Variants in STAT5A observed in about 807,000 individuals in gnomAD.
STAT5A encodes the protein signal transducer and activator of transcription 5A, also known as epididymis secretory sperm binding protein.
In STAT5A, 26 loss-of-function variants were observed where a neutral mutation model predicts 100.2. The ratio of observed to expected loss-of-function variants is 0.26; its 90% CI spans 0.19 to 0.36. The LOEUF (loss-of-function observed/expected upper bound fraction) is 0.36. STAT5A is among the 10% of genes least tolerant of loss of function. The pLI is 1.00. For synonymous variants in STAT5A, 330 were observed against 424.3 expected, an observed-to-expected ratio of 0.78 and a Z score of 2.73; for missense variants, 634 against 1,027.5, an observed-to-expected ratio of 0.62 and a Z score of 5.24.
chr17:42,295,491 C>A, intron 4 of STAT5A, 128 bp from the exon 5 acceptor site: 1 of 932,656 alleles, frequency 1.1e-6, no homozygotes, highest in Non-Finnish European at 1.6e-6. Flanking sequence ...TTCCTTCTTG[C>A]CCTAGTTTCC....
chr17:42,305,799 T>A (rs2081022900), intron 12 of STAT5A, 97 bp downstream of exon 12: 1 of 1,317,774 alleles, frequency 7.6e-7, no homozygotes, highest in South Asian at 1.3e-5. Flanking sequence ...TGGTCCTTCC[T>A]CACCCCAGGG....
intron 4 of STAT5A, among the ~76,000 whole-genome samples, chr17:42,292,577 G>A (rs1284371500): frequency 1.3e-5 from 2 of 151,384 alleles, no homozygotes; most frequent in Non-Finnish European, 1.5e-5. Context: ...CGCCCACCTC[G>A]GCCTCCCAAA....
chr17:42,293,511 G>A (rs1056305359), intron 4 of STAT5A, among the ~76,000 whole-genome samples: 3 of 152,194 alleles, frequency 2.0e-5, no homozygotes, highest in Admixed American at 6.5e-5. Flanking sequence ...GGCCTATTAC[G>A]TATTTATTGT....
rs186791484 is a variant in STAT5A, at chr17:42,291,646, G to A, written c.286-326G>A. Among the ~76,000 whole-genome samples, 857 of 152,108 alleles carry A rather than the reference G, an allele frequency of 5.6e-3. 4 individuals carry two copies. Among genetic ancestry groups the A allele is most frequent in the Non-Finnish European group, 8.4e-3 (572 of 68,000 alleles). ...AAGGAGAATCGCTTGAACCCGGGAG[G>A]TGGAGGTTGCAGTGAGCTGAGATCA... On this transcript the variant is annotated intron_variant, in intron 3 of 18. Coordinates refer to ENST00000590949, the MANE Select transcript of STAT5A (RefSeq NM_001288718.2).
rs116193964 is a variant in STAT5A, at chr17:42,301,256, G to C, written c.990-19G>C. The C allele has an allele frequency of 6.3e-4, 1,017 of 1,611,300 alleles. 2 individuals are homozygous for C. The African/African-American group carries it at 0.012, about 19-fold the overall frequency. ...TGCGCCAACCCCTCATCGTGTGTCT[G>C]TCCCTGTGTCCCATGCAGCACATTC... On this transcript the variant is annotated intron_variant, in intron 8 of 18. Transcript: ENST00000590949.
chr17:42,304,236 C>A lies in STAT5A; in HGVS notation c.1170-106C>A. The A allele has an allele frequency of 6.7e-6, 7 of 1,041,064 alleles. No individual in the cohort carries two copies. The highest frequency in any genetic ancestry group is 1.0e-5 in the Non-Finnish European group (7 of 687,278). 64.5% of individuals were successfully genotyped at this position (1,041,064 alleles called of 1,614,324 possible). A position where few individuals can be genotyped will look rare whatever the true frequency, so the allele number is the denominator to read the frequency against. On this transcript the variant is annotated intron_variant, in intron 9 of 18. Transcript: ENST00000590949. The surrounding 1 kb of genome is among the most constrained non-coding windows in gnomAD (Gnocchi z 4.8). ...ACTCTTAGGGGATACGGGGCAGGGGCTGCTGGCAGGGCTGACCTGAGCGAA... is the reference window on the plus strand; with the variant it reads ...ACTCTTAGGGGATACGGGGCAGGGGATGCTGGCAGGGCTGACCTGAGCGAA...
At chr17:42,293,261 G>A (rs2080888231) in intron 4 of STAT5A, among the ~76,000 whole-genome samples, 1 of 152,118 alleles carries the variant, frequency 6.6e-6, no homozygotes, top group Admixed American at 6.5e-5. Context: ...CTGGAGTGCA[G>A]TGGCGTGATC....
chr17:42,299,483 G>T (rs2080953505), intron 5 of STAT5A, among the ~76,000 whole-genome samples: 1 of 152,232 alleles, frequency 6.6e-6, no homozygotes. Context: ...GCGGGCAGGA[G>T]GCAGGCAGGC....
In STAT5A at chr17:42,300,207, C is replaced by T. The variant is rs558824323; in HGVS notation, c.759C>T (p.Ile253=). ...CCATCATCCTGGATGACGAGCTGAT[C>T]CAGTGGAAGCGGCGGCAGCAGCTGG... is the stretch of plus-strand genomic sequence containing the variant. The part of the protein sequence containing the change: ...QQTIILDDEL[I]QWKRRQQLAG... The change falls in exon 7 of 19, where the codon ATC becomes ATT. Residue 253 remains isoleucine, a synonymous_variant. Coordinates refer to ENST00000590949, the MANE Select transcript of STAT5A (RefSeq NM_001288718.2). The T allele has an allele frequency of 1.1e-5, 16 of 1,509,424 alleles. No individual in the cohort carries two copies. The highest frequency in any genetic ancestry group is 7.4e-5 in the South Asian group (6 of 81,046). The allele number at this position is 1,509,424 out of a possible 1,614,324, so 93.5% of individuals were successfully genotyped here. A position where few individuals can be genotyped will look rare whatever the true frequency, so the allele number is the denominator to read the frequency against.
intron 15 of STAT5A, among the ~76,000 whole-genome samples, chr17:42,307,959 C>T (rs958545320): frequency 6.6e-6 from 1 of 152,222 alleles, no homozygotes; most frequent in African/African-American, 2.4e-5. Flanking sequence ...TGCAGTTTCA[C>T]GCTCTCCCCT....
At chr17:42,305,741 C>T (rs1223511385) in intron 12 of STAT5A, 39 bp downstream of exon 12, 3 of 1,599,156 alleles carry the variant, frequency 1.9e-6, no homozygotes, top group Non-Finnish European at 2.6e-6. Flanking sequence ...CACCCCCAGG[C>T]CCTAGGACTC....
chr17:42,292,229 AC>A (rs1245784201), intron 4 of STAT5A, among the ~76,000 whole-genome samples, 168 bp downstream of exon 4: 1 of 151,246 alleles, frequency 6.6e-6, no homozygotes, highest in Non-Finnish European at 1.5e-5. Flanking sequence ...GGGTGGAGTG[AC>A]CCCCTGGATC....
chr17:42,294,901 A>C (rs1204373071), intron 4 of STAT5A, among the ~76,000 whole-genome samples: 3 of 143,212 alleles, frequency 2.1e-5, no homozygotes, highest in East Asian at 4.1e-4. Flanking sequence ...CTCTCTCTCT[A>C]TTTTTTTTTT....
chr17:42,302,783 A>C (rs928218375), intron 9 of STAT5A, among the ~76,000 whole-genome samples: 1 of 151,676 alleles, frequency 6.6e-6, no homozygotes, highest in Non-Finnish European at 1.5e-5. Flanking sequence ...AAAATACAAA[A>C]ATTAGCCAGG....
chr17:42,309,275 C>T (rs934503994), intron 17 of STAT5A, 102 bp from the exon 18 acceptor site: 112 of 1,529,784 alleles, frequency 7.3e-5, no homozygotes, highest in Middle Eastern at 2.4e-4. Flanking sequence ...GCACTTTGTC[C>T]GTCTACACCC....
At chr17:42,295,537 C>A in intron 4 of STAT5A, 82 bp from the exon 5 acceptor site, 1 of 1,468,990 alleles carries the variant, frequency 6.8e-7, no homozygotes, top group Non-Finnish European at 9.2e-7. Context: ...GGTTTGGGGT[C>A]TGTAGTATTG....
intron 13 of STAT5A, 87 bp from the exon 14 acceptor site, chr17:42,307,315 C>T: frequency 7.4e-7 from 1 of 1,345,924 alleles, no homozygotes; most frequent in African/African-American, 1.4e-5. Flanking sequence ...TGGGAGAAGA[C>T]TGGGTGGGGG....
chr17:42,301,214 C>T, intron 8 of STAT5A, 61 bp from the exon 9 acceptor site: 8 of 1,579,788 alleles, frequency 5.1e-6, no homozygotes, highest in Middle Eastern at 2.0e-4. Context: ...CACAGAGGGA[C>T]TGAGAGCCCT....
Position 42,304,765 on chromosome 17 carries a change from G to C in STAT5A, c.1380+113G>C. ...TCGGACAGCCTGCTTTGACTCTGTGGGTCCCTGTTTGATAGGTTATAATCT... is the reference window on the plus strand; with the variant it reads ...TCGGACAGCCTGCTTTGACTCTGTGCGTCCCTGTTTGATAGGTTATAATCT... On this transcript the variant is annotated intron_variant, in intron 11 of 18. Coordinates refer to ENST00000590949, the MANE Select transcript of STAT5A (RefSeq NM_001288718.2). The surrounding 1 kb of genome is among the most constrained non-coding windows in gnomAD (Gnocchi z 4.8). 6.6e-7 allele frequency: 1 copy of C among 1,516,264 alleles called. No homozygotes were observed. Among genetic ancestry groups the C allele is most frequent in the Non-Finnish European group, 8.9e-7 (1 of 1,118,204 alleles). 93.9% of individuals were successfully genotyped at this position (1,516,264 alleles called of 1,614,324 possible). A position where few individuals can be genotyped will look rare whatever the true frequency, so the allele number is the denominator to read the frequency against.
Sources: gnomAD v4.1 joint callset for allele counts (sites outside exome capture counted in the v4.1 genomes callset) on GRCh38, gnomAD v4.1.1 for gene constraint, Gnocchi (gnomAD v3.1) non-coding constraint, MANE v1.5 for transcripts, NCBI Gene and HGNC (gene_info 2026-07-23, HGNC 2026-07-21) for gene names.